DNAH3: variants seen among roughly 807,000 people sequenced by gnomAD.
DNAH3 encodes dynein axonemal heavy chain 3, also known as axonemal beta dynein heavy chain 3.
DNAH3 carries 332 observed loss-of-function variants against 432.5 expected under a neutral mutation model. The ratio of observed to expected loss-of-function variants is 0.77; its 90% CI spans 0.70 to 0.84. The LOEUF is 0.84. Among genes scored for constraint, DNAH3 ranks in the 40% least tolerant of loss-of-function variants. The probability of loss-of-function intolerance (pLI) is 0.00; values close to 1 mark genes in which losing one functional copy is unlikely to be tolerated. For missense variants in DNAH3, 4,861 were observed against 5,114.0 expected, an observed-to-expected ratio of 0.95 and a Z score of 1.51; for synonymous variants, 1,956 against 1,900.2, an observed-to-expected ratio of 1.03 and a Z score of -0.76.
chr16:21,058,166 G>T, exon 27 of DNAH3: 1 of 1,613,602 alleles, frequency 6.2e-7, no homozygotes, highest in Non-Finnish European at 8.5e-7. Flanking sequence ...ACCTGTCCAG[G>T]CCACTGTAAG....
At chr16:21,106,584 C>T (rs749864632) in exon 15 of DNAH3, 1 of 1,612,202 alleles carries the variant, frequency 6.2e-7, no homozygotes, top group Non-Finnish European at 8.5e-7. Flanking sequence ...CACTGGATTT[C>T]TTTAGGAATT....
intron 49 of DNAH3, among the ~76,000 whole-genome samples, chr16:20,981,972 A>G (rs1387231794): frequency 6.8e-6 from 1 of 146,674 alleles, no homozygotes; most frequent in Non-Finnish European, 1.5e-5. Context: ...TATATATAAT[A>G]AAGCATATAT....
chr16:21,088,693 C>A (rs571102577), intron 18 of DNAH3, among the ~76,000 whole-genome samples: 1 of 152,280 alleles, frequency 6.6e-6, no homozygotes, highest in South Asian at 2.1e-4. Flanking sequence ...AAGGATGAGA[C>A]AGCAGGTGGA....
chr16:21,091,673 G>C (rs553582002), intron 18 of DNAH3, among the ~76,000 whole-genome samples: 1 of 152,032 alleles, frequency 6.6e-6, no homozygotes, highest in African/African-American at 2.4e-5. Flanking sequence ...AAAATTAGCC[G>C]GGTGTGGTGG....
intron 61 of DNAH3, 37 bp downstream of exon 61, chr16:20,935,311 C>T: frequency 6.2e-7 from 1 of 1,609,534 alleles, no homozygotes; most frequent in Non-Finnish European, 8.5e-7. Flanking sequence ...TTTCTCTGGT[C>T]AGCCCCTTGA....
At chr16:20,961,849 G>A (rs1196967169) in intron 53 of DNAH3, among the ~76,000 whole-genome samples, 1 of 138,376 alleles carries the variant, frequency 7.2e-6, no homozygotes, top group Non-Finnish European at 1.5e-5. Flanking sequence ...CACAACCTCC[G>A]CCTCCCAAGT....
intron 28 of DNAH3, among the ~76,000 whole-genome samples, chr16:21,052,915 G>A (rs1008028606): frequency 5.9e-5 from 9 of 152,158 alleles, no homozygotes; most frequent in Non-Finnish European, 1.0e-4. Context: ...CCATCTGGGG[G>A]CCTGAGAAAC....
Position 20,936,821 on chromosome 16 carries a change from T to C in DNAH3, c.11687A>G (p.Asn3896Ser), listed in dbSNP as rs764659166. The C allele has an allele frequency of 4.3e-6, 7 of 1,613,302 alleles. No homozygotes were observed. In the South Asian group the frequency reaches 6.6e-5, roughly 15 times the overall value. ...CTGTCCTTTGATGGCTCGGCCAAGA[T>C]TGATGAGGCTCCTCCGAACCACTTT... The change falls in exon 60 of 62, where the codon AAT becomes AGT. Residue 3896 changes from asparagine (N) to serine (S), a missense_variant. Asn to Ser is a conservative substitution (Grantham distance 46, BLOSUM62 1). Transcript: ENST00000261383.
chr16:21,145,204 G>T (rs2092767673), exon 3 of DNAH3: 2 of 1,612,402 alleles, frequency 1.2e-6, no homozygotes, highest in Non-Finnish European at 1.7e-6. Flanking sequence ...CCCCTGACCG[G>T]TCCTGTCCCT....
At chr16:21,074,795 G>A (rs2090916708) in intron 21 of DNAH3, among the ~76,000 whole-genome samples, 1 of 152,084 alleles carries the variant, frequency 6.6e-6, no homozygotes, top group African/African-American at 2.4e-5. Context: ...AGCTCCCCAA[G>A]AGCTGCAACC....
chr16:21,114,711 G>C (rs1446652223), intron 12 of DNAH3, among the ~76,000 whole-genome samples: 1 of 152,162 alleles, frequency 6.6e-6, no homozygotes, highest in Non-Finnish European at 1.5e-5. Context: ...ACACCAGTTA[G>C]AATGGCGATC....
chr16:21,140,487 C>T (rs757752240), intron 5 of DNAH3, 49 bp downstream of exon 6: 9 of 1,556,846 alleles, frequency 5.8e-6, no homozygotes, highest in Middle Eastern at 1.9e-4. Context: ...ACTGAGATGC[C>T]GAGAGTAACC....
Position 21,098,289 on chromosome 16 carries a change from A to G in DNAH3, c.2520+327T>C, listed in dbSNP as rs575422623. On this transcript the variant is annotated intron_variant, in intron 17 of 61. Transcript: ENST00000261383. ...AAACTCTCTATTAAAAATACAAAAA[A>G]TGAGCTGGGCATGGTGGCACACGCC... is the stretch of plus-strand genomic sequence containing the variant. 1.6e-3 allele frequency among the ~76,000 whole-genome samples: 239 copies of G among 151,992 alleles called. 2 individuals carry two copies. The highest frequency in any genetic ancestry group is 3.4e-3 in the Middle Eastern group (1 of 294).
At chr16:20,950,207 G>T (rs1478579783) in intron 56 of DNAH3, among the ~76,000 whole-genome samples, 3 of 152,186 alleles carry the variant, frequency 2.0e-5, no homozygotes, top group Non-Finnish European at 2.9e-5. Flanking sequence ...TATGCGTACT[G>T]TGTGTGTCAT....
At chr16:20,989,005 T>C (rs2086384382) in intron 44 of DNAH3, among the ~76,000 whole-genome samples, 1 of 152,192 alleles carries the variant, frequency 6.6e-6, no homozygotes, top group Non-Finnish European at 1.5e-5. Context: ...CGGGGAGTGT[T>C]ACAGCTCATA....
intron 44 of DNAH3, among the ~76,000 whole-genome samples, chr16:20,989,748 G>C (rs1036135870): frequency 6.6e-6 from 1 of 152,252 alleles, no homozygotes; most frequent in Non-Finnish European, 1.5e-5. Context: ...TGGGTGGGAG[G>C]CTCAGGCATG....
At chr16:21,022,767 C>T (rs1298798938) in intron 39 of DNAH3, among the ~76,000 whole-genome samples, 5 of 145,790 alleles carry the variant, frequency 3.4e-5, no homozygotes, top group Non-Finnish European at 7.5e-5. Context: ...TTTTTTGAGA[C>T]GGAGTTTTGT....
chr16:21,052,694 C>G (rs1460833666), intron 28 of DNAH3, among the ~76,000 whole-genome samples: 1 of 152,202 alleles, frequency 6.6e-6, no homozygotes, highest in Non-Finnish European at 1.5e-5. Context: ...AAATGTTATA[C>G]AGGTATTAGC....
intron 26 of DNAH3, 138 bp from the exon 27 acceptor site, chr16:21,058,334 C>A: frequency 1.9e-6 from 1 of 516,366 alleles, no homozygotes; most frequent in Non-Finnish European, 3.5e-6. Context: ...CAAGGCTTGA[C>A]ATCTCTGGAA....
Sources: gnomAD v4.1 joint callset for allele counts (sites outside exome capture counted in the v4.1 genomes callset) on GRCh38, gnomAD v4.1.1 for gene constraint, MANE v1.5 for transcripts, NCBI Gene and HGNC (gene_info 2026-07-23, HGNC 2026-07-21) for gene names.